The following CUX1 variants were observed in gnomAD, a reference collection of about 807,000 sequenced individuals.
CUX1 encodes protein CASP.
Under a neutral mutation model 158.8 loss-of-function variants are expected in CUX1, and 31 were observed. The ratio of observed to expected loss-of-function variants is 0.20; its 90% CI spans 0.15 to 0.26. The LOEUF is 0.26. Among genes scored for constraint, CUX1 ranks in the 10% least tolerant of loss-of-function variants. The pLI, the probability that CUX1 is intolerant of heterozygous loss-of-function variation, is 1.00. For synonymous variants in CUX1, 879 were observed against 862.1 expected (o/e 1.02, Z -0.34); for missense variants, 1,589 against 2,014.6 (o/e 0.79, Z 4.04).
chr7:102,002,974 T>C (rs1291128575), intron 2 of CUX1, among the ~76,000 whole-genome samples: 2 of 152,114 alleles, frequency 1.3e-5, no homozygotes, highest in East Asian at 3.9e-4. Flanking sequence ...CAATCTCGGC[T>C]CACTGCAACC....
chr7:101,841,720 C>T (rs756968642), intron 1 of CUX1, among the ~76,000 whole-genome samples: 2 of 151,916 alleles, frequency 1.3e-5, no homozygotes, highest in Non-Finnish European at 2.9e-5. Context: ...CCACCACGCC[C>T]AGCTGAGTTT....
intron 20 of CUX1, among the ~76,000 whole-genome samples, chr7:102,218,167 CTTTG>C (rs782774744): frequency 3.3e-5 from 5 of 152,226 alleles, no homozygotes; most frequent in Non-Finnish European, 2.9e-5. Flanking sequence ...GTCCCAGACT[CTTTG>C]TTTGAGTGAC....
intron 8 of CUX1, among the ~76,000 whole-genome samples, chr7:102,149,436 A>C (rs1388959648): frequency 1.7e-5 from 2 of 115,818 alleles, no homozygotes; most frequent in African/African-American, 6.8e-5. Flanking sequence ...ATCCCTGCTG[A>C]GCTCCTAGGA....
chr7:101,924,698 TG>T lies in CUX1; in HGVS notation c.141+8476del, dbSNP rs376765501. Among the ~76,000 whole-genome samples, 40 of 152,060 alleles carry T rather than the reference TG, an allele frequency of 2.6e-4. 1 individual carries two copies. Among genetic ancestry groups the T allele is most frequent in the Middle Eastern group, 3.4e-3 (1 of 294 alleles). Reference sequence around the variant, plus strand: ...CTCCCACCTCAGCCTCCCGAGTAGCTGGGACTACAGGCGTGCACCACCACAC... The same window carrying T: ...CTCCCACCTCAGCCTCCCGAGTAGCTGGACTACAGGCGTGCACCACCACAC... On this transcript the variant is annotated intron_variant, in intron 2 of 23. Coordinates refer to ENST00000292535, the MANE Select transcript of CUX1 (RefSeq NM_181552.4).
exon 23 of CUX1, chr7:102,283,323 C>T (rs1563538054): frequency 1.8e-6 from 1 of 557,286 alleles, no homozygotes; most frequent in Non-Finnish European, 3.3e-6. Flanking sequence ...GGCTAAGCCG[C>T]AGAGACCCTC....
At chr7:102,012,061 T>C (rs1204505278) in intron 2 of CUX1, among the ~76,000 whole-genome samples, 1 of 152,126 alleles carries the variant, frequency 6.6e-6, no homozygotes, top group African/African-American at 2.4e-5. Context: ...TCAGATAATT[T>C]TGGACTACAG....
chr7:102,239,644 G>C, intron 23 of CUX1, 60 bp downstream of exon 23: 2 of 1,552,638 alleles, frequency 1.3e-6, no homozygotes, highest in African/African-American at 1.4e-5. Context: ...TGATCTGTCC[G>C]GAGGCCGCCA....
intron 21 of CUX1, among the ~76,000 whole-genome samples, chr7:102,231,740 GTC>G (rs1554530909): frequency 6.9e-6 from 1 of 145,052 alleles, no homozygotes; most frequent in African/African-American, 2.6e-5. Flanking sequence ...TTGAGATGGA[GTC>G]TCGCTCTGTC....
chr7:102,159,036 G>C (rs1429115276), intron 9 of CUX1, among the ~76,000 whole-genome samples: 1 of 143,108 alleles, frequency 7.0e-6, no homozygotes, highest in Middle Eastern at 3.8e-3. Flanking sequence ...ATCTCACCAC[G>C]GTGTTATCCT....
chr7:101,959,848 C>A (rs1240295224), intron 2 of CUX1, among the ~76,000 whole-genome samples: 1 of 152,100 alleles, frequency 6.6e-6, no homozygotes, highest in Non-Finnish European at 1.5e-5. Context: ...AACCTGTGGA[C>A]CCTTTTAAAC....
Position 102,202,045 on chromosome 7 carries a change from C to A in CUX1, c.2748C>A (p.Ile916=), listed in dbSNP as rs201472948. Residue 916 remains isoleucine, a synonymous_variant, in exon 18 of 24, where the codon ATC becomes ATA. Transcript: ENST00000292535. ...ACAGCCCCCTGCCATCCTCCCCGAT[C>A]GTGCCCATGTCCAAGCCCACCAAGC... The part of the protein sequence containing the change: ...PQNSPLPSSP[I]VPMSKPTKPS... 2 of 1,614,128 alleles carry A rather than the reference C, an allele frequency of 1.2e-6. No individual in the cohort carries two copies. Among genetic ancestry groups the A allele is most frequent in the Non-Finnish European group, 1.7e-6 (2 of 1,180,010 alleles).
intron 10 of CUX1, among the ~76,000 whole-genome samples, chr7:102,172,152 C>T (rs1485182437): frequency 6.6e-6 from 1 of 152,158 alleles, no homozygotes. Flanking sequence ...GTGGCGTGAT[C>T]TCAGCTCACT....
intron 1 of CUX1, among the ~76,000 whole-genome samples, chr7:101,829,497 C>T (rs1793743847): frequency 6.6e-6 from 1 of 152,162 alleles, no homozygotes; most frequent in Admixed American, 6.5e-5. Flanking sequence ...GTTGGGGTTA[C>T]ATCCCGGACT....
At chr7:102,131,674 AT>A in intron 8 of CUX1, among the ~76,000 whole-genome samples, 1 of 142,106 alleles carries the variant, frequency 7.0e-6, no homozygotes, top group South Asian at 2.3e-4. Context: ...TATTTTATTT[AT>A]TTATTTTTTT....
At chr7:102,166,862 G>C (rs1018093631) in intron 9 of CUX1, among the ~76,000 whole-genome samples, 2 of 152,216 alleles carry the variant, frequency 1.3e-5, no homozygotes, top group East Asian at 3.9e-4. Context: ...TGAAAGTAAC[G>C]AAGGCAAGCC....
chr7:102,215,552 T>C (rs1297976506), intron 20 of CUX1, among the ~76,000 whole-genome samples: 1 of 152,234 alleles, frequency 6.6e-6, no homozygotes, highest in Non-Finnish European at 1.5e-5. Flanking sequence ...CTGACTGTCC[T>C]ACATTAAGTA....
chr7:101,986,439 G>A (rs984841950), intron 2 of CUX1, among the ~76,000 whole-genome samples: 10 of 152,182 alleles, frequency 6.6e-5, no homozygotes, highest in South Asian at 2.1e-4. Flanking sequence ...AAACCTGTTC[G>A]TCTCATGACT....
intron 2 of CUX1, among the ~76,000 whole-genome samples, chr7:101,993,574 C>T (rs765637941): frequency 1.3e-5 from 2 of 152,140 alleles, no homozygotes; most frequent in Admixed American, 6.5e-5. Context: ...GCACTCTGCG[C>T]GACTGCTATT....
chr7:101,909,797 G>T (rs1372899245), intron 1 of CUX1, among the ~76,000 whole-genome samples: 1 of 152,192 alleles, frequency 6.6e-6, no homozygotes, highest in Non-Finnish European at 1.5e-5. Context: ...TCCTTTGCAG[G>T]CCTAGAAGGA....
Sources: gnomAD v4.1 joint callset for allele counts (sites outside exome capture counted in the v4.1 genomes callset) on GRCh38, gnomAD v4.1.1 for gene constraint, MANE v1.5 for transcripts, NCBI Gene and HGNC (gene_info 2026-07-23, HGNC 2026-07-21) for gene names.